The following BLK variants were observed in gnomAD, a reference collection of about 807,000 sequenced individuals.
BLK encodes tyrosine-protein kinase Blk.
A neutral mutation model predicts 61.8 loss-of-function variants in BLK; 64 were observed. The observed-to-expected ratio is 1.03, with a 90% CI of 0.85 to 1.27. The LOEUF is 1.27. Among genes scored for constraint, BLK ranks in the 50% most tolerant of loss-of-function variants. The pLI is 0.00. For synonymous variants in BLK, 351 were observed against 272.0 expected (o/e 1.29, Z -2.86); for missense variants, 853 against 660.5 (o/e 1.29, Z -3.19).
chr8:11,564,127 GC>G lies in BLK; in HGVS notation c.*23del. The G allele has an allele frequency of 6.5e-7, 1 of 1,543,154 alleles. No homozygotes were observed. Among genetic ancestry groups the G allele is most frequent in the Non-Finnish European group, 8.7e-7 (1 of 1,149,624 alleles). On this transcript the variant is annotated 3_prime_UTR_variant, in exon 13 of 13. Coordinates refer to ENST00000259089, the MANE Select transcript of BLK (RefSeq NM_001715.3). ...GCCCTAGCCGGCCGCGCCCGCCTGC[GC>G]CCCGTGCCCACCTCTGCGCGGACGA...
chr8:11,545,889 C>T, intron 2 of BLK, 163 bp from the exon 3 acceptor site: 1 of 792,992 alleles, frequency 1.3e-6, no homozygotes, highest in Admixed American at 1.7e-5. Context: ...AGTGCTGGTC[C>T]CTGGGTACAG....
At chr8:11,507,051 G>A (rs997110979) in intron 1 of BLK, among the ~76,000 whole-genome samples, 1 of 152,240 alleles carries the variant, frequency 6.6e-6, no homozygotes, top group Non-Finnish European at 1.5e-5. Context: ...ATCTCAGAAA[G>A]GCAGGTAGCC....
intron 1 of BLK, among the ~76,000 whole-genome samples, chr8:11,526,128 A>G (rs1170023832): frequency 6.6e-6 from 1 of 152,142 alleles, no homozygotes; most frequent in Non-Finnish European, 1.5e-5. Context: ...AAGAAATACT[A>G]ATGCCAATAT....
chr8:11,503,886 C>A (rs906119951), intron 1 of BLK, among the ~76,000 whole-genome samples: 4 of 152,146 alleles, frequency 2.6e-5, no homozygotes, highest in Admixed American at 6.5e-5. Context: ...CTCCACGTTG[C>A]CACCCAGACA....
chr8:11,551,296 T>C (rs1237519058), intron 6 of BLK, among the ~76,000 whole-genome samples: 1 of 152,140 alleles, frequency 6.6e-6, no homozygotes. Flanking sequence ...ACGACCAAAG[T>C]GTCAGCAGCG....
chr8:11,531,951 C>T (rs561884460), intron 1 of BLK, among the ~76,000 whole-genome samples: 1 of 152,136 alleles, frequency 6.6e-6, no homozygotes, highest in African/African-American at 2.4e-5. Context: ...CACAGCCTCT[C>T]GAGTTCAAGT....
chr8:11,538,364 TC>T (rs1800225613), intron 1 of BLK, among the ~76,000 whole-genome samples: 1 of 152,150 alleles, frequency 6.6e-6, no homozygotes, highest in Non-Finnish European at 1.5e-5. Context: ...GCCCTGGTTG[TC>T]CCATGGCCTC....
rs143926729 is a variant in BLK at position 11,523,165 on chromosome 8, C to A, written c.-1-20059C>A. ...GGAAGACATTTGCAAGTGTGAACGA[C>A]ACAGGAAAGATTAATAGGAAAGATT... On this transcript the variant is annotated intron_variant, in intron 1 of 12. Coordinates refer to ENST00000259089, the MANE Select transcript of BLK (RefSeq NM_001715.3). Among the ~76,000 whole-genome samples, 608 of 152,126 alleles carry A rather than the reference C, an allele frequency of 4.0e-3. 3 individuals carry two copies. The highest frequency in any genetic ancestry group is 0.014 in the African/African-American group (578 of 41,458).
At chr8:11,533,927 C>G (rs1800005432) in intron 1 of BLK, among the ~76,000 whole-genome samples, 1 of 152,234 alleles carries the variant, frequency 6.6e-6, no homozygotes, top group Admixed American at 6.5e-5. Flanking sequence ...ATGGGAGACT[C>G]AAAGGAGGGA....
At chr8:11,550,594 C>A (rs1010924475) in intron 6 of BLK, among the ~76,000 whole-genome samples, 1 of 152,238 alleles carries the variant, frequency 6.6e-6, no homozygotes, top group Non-Finnish European at 1.5e-5. Context: ...TAACCACCAG[C>A]CTCTTTGGAA....
chr8:11,510,495 C>T lies in BLK; in HGVS notation c.-2+15904C>T, dbSNP rs79533966. 9.0e-3 allele frequency among the ~76,000 whole-genome samples: 1,373 copies of T among 152,238 alleles called. 9 individuals are homozygous for T. Among genetic ancestry groups the T allele is most frequent in the Middle Eastern group, 0.044 (13 of 294 alleles). On this transcript the variant is annotated intron_variant, in intron 1 of 12. Transcript: ENST00000259089. ...CTTTGTCGGGGGAGAGGTCCTGAAGCTGAGCACAAAATTTGGCATGTTTGT... is the reference window on the plus strand; with the variant it reads ...CTTTGTCGGGGGAGAGGTCCTGAAGTTGAGCACAAAATTTGGCATGTTTGT...
At chr8:11,504,367 GAAAGAAAAGAAAAGA>G (rs55809628) in intron 1 of BLK, among the ~76,000 whole-genome samples, 1,581 of 39,176 alleles carry the variant, frequency 0.04, 34 homozygotes, top group Middle Eastern at 0.098. Flanking sequence ...AAGGAAGGAA[GAAAGAAAAGAAAAGA>G]AAAGAAAAGA....
At chr8:11,511,224 T>A (rs1355123083) in intron 1 of BLK, among the ~76,000 whole-genome samples, 1 of 152,176 alleles carries the variant, frequency 6.6e-6, no homozygotes, top group African/African-American at 2.4e-5. Context: ...CAGCTCGGTC[T>A]TTTGTCTTCA....
chr8:11,555,894 T>C, intron 8 of BLK: 1 of 334,686 alleles, frequency 3.0e-6, no homozygotes, highest in Non-Finnish European at 5.9e-6. Context: ...CCGTGGGACT[T>C]TGGCCAAGTC....
chr8:11,516,253 C>T (rs747404642), intron 1 of BLK, among the ~76,000 whole-genome samples: 3 of 152,340 alleles, frequency 2.0e-5, no homozygotes, highest in East Asian at 1.9e-4. Flanking sequence ...GAGAGCCTGA[C>T]GTCTTTCTCA....
In BLK at chr8:11,563,904, G is replaced by T; in HGVS notation, c.1314G>T (p.Gly438=). The T allele has an allele frequency of 6.2e-7, 1 of 1,608,890 alleles. No individual in the cohort carries two copies. The highest frequency in any genetic ancestry group is 8.5e-7 in the Non-Finnish European group (1 of 1,179,366). The change falls in exon 13 of 13, where the codon GGG becomes GGT. Residue 438 remains glycine (G), a splice_region_variant and synonymous_variant. Transcript: ENST00000259089. ...CGCTTGCGGTCTCCTCTGCCGCAGG[G>T]ATGAGCAACCCCGAGGTCATCCGCA... ...VVTYGRVPYP[G]MSNPEVIRNL... is the part of the protein sequence containing the mutation.
chr8:11,546,123 A>T lies in BLK; in HGVS notation c.175+20A>T. 1 of 1,613,988 alleles carries T rather than the reference A, an allele frequency of 6.2e-7. No homozygotes were observed. ...ATGAAGGTAAGAAGGGTGGTTTGGG[A>T]AGCTGAGGCTCCACAGCCCTCTCCC... On this transcript the variant is annotated intron_variant, in intron 3 of 12. Coordinates refer to ENST00000259089, the MANE Select transcript of BLK (RefSeq NM_001715.3).
At position 11,494,510 on chromosome 8, in the gene BLK, CGTT is replaced by C. The variant is rs1798292241; in HGVS notation, c.-80_-78del. 6.6e-6 allele frequency: 1 copy of C among 152,234 alleles called. No homozygotes were observed. The highest frequency in any genetic ancestry group is 2.4e-5 in the African/African-American group (1 of 41,448). 9.4% of individuals were successfully genotyped at this position (152,234 alleles called of 1,614,324 possible). A position where few individuals can be genotyped will look rare whatever the true frequency, so the allele number is the denominator to read the frequency against. ...CTTTAGGATGGTGTTGGAAGTTGCT[CGTT>C]GTCGCTAGGAGCCTGCTCCACTGTA... On this transcript the variant is annotated 5_prime_UTR_variant, in exon 1 of 13. Coordinates refer to ENST00000259089, the MANE Select transcript of BLK (RefSeq NM_001715.3).
intron 1 of BLK, among the ~76,000 whole-genome samples, chr8:11,508,036 C>T (rs574676745): frequency 6.6e-6 from 1 of 152,282 alleles, no homozygotes; most frequent in South Asian, 2.1e-4. Flanking sequence ...GGGTGCTTCT[C>T]AAACCTAAAG....
Sources: gnomAD v4.1 joint callset for allele counts (sites outside exome capture counted in the v4.1 genomes callset) on GRCh38, gnomAD v4.1.1 for gene constraint, MANE v1.5 for transcripts, NCBI Gene and HGNC (gene_info 2026-07-23, HGNC 2026-07-21) for gene names.